AQP8: variants seen among roughly 807,000 people sequenced by gnomAD.
AQP8 encodes aquaporin-8.
Under a neutral mutation model 26.1 loss-of-function variants are expected in AQP8, and 14 were observed. The ratio of observed to expected loss-of-function variants is 0.54; its 90% CI spans 0.35 to 0.84. The LOEUF is 0.84. AQP8 is among the 40% of genes least tolerant of loss of function. AQP8 has a pLI of 0.01. For synonymous variants in AQP8, 131 were observed against 150.7 expected, an observed-to-expected ratio of 0.87 and a Z score of 0.96; for missense variants, 301 against 340.5, an observed-to-expected ratio of 0.88 and a Z score of 0.91.
Position 25,224,559 on chromosome 16 carries a change from C to T in AQP8, c.585C>T (p.Thr195=), listed in dbSNP as rs756713885. Residue 195 remains threonine (T), a synonymous_variant, in exon 4 of 6, where the codon ACC becomes ACT. Transcript: ENST00000219660. ...CGTTCTCCATCGGCTTTGCCGTCACCGTGGATATCCTGGCTGGGTGAGTGT... is the reference window on the plus strand; with the variant it reads ...CGTTCTCCATCGGCTTTGCCGTCACTGTGGATATCCTGGCTGGGTGAGTGT... ...LAPFSIGFAV[T]VDILAGGPVS... is the part of the protein sequence containing the mutation. The T allele has an allele frequency of 1.4e-5, 22 of 1,611,786 alleles. No homozygotes were observed. Among genetic ancestry groups the T allele is most frequent in the Middle Eastern group, 1.8e-4 (1 of 5,642 alleles).
At chr16:25,225,234 T>G (rs1962615143) in intron 4 of AQP8, among the ~76,000 whole-genome samples, 1 of 152,214 alleles carries the variant, frequency 6.6e-6, no homozygotes, top group Non-Finnish European at 1.5e-5. Flanking sequence ...TCCTCCTGCG[T>G]TGGCCTCTCA....
In AQP8 at chr16:25,221,441, C is replaced by G. The variant is rs1049832804; in HGVS notation, c.261-16C>G. The G allele has an allele frequency of 6.2e-7, 1 of 1,613,730 alleles. No homozygotes were observed. Among genetic ancestry groups the G allele is most frequent in the Non-Finnish European group, 8.5e-7 (1 of 1,179,796 alleles). ...AGCCCTGGGCTCATGACTTCCTCTGCTCTTGTGGGTTACAGTGGTGGACAC... is the reference window on the plus strand; with the variant it reads ...AGCCCTGGGCTCATGACTTCCTCTGGTCTTGTGGGTTACAGTGGTGGACAC... On this transcript the variant is annotated splice_polypyrimidine_tract_variant and intron_variant, in intron 2 of 5. Transcript: ENST00000219660.
chr16:25,222,902 C>T (rs770552024), intron 3 of AQP8, among the ~76,000 whole-genome samples: 3 of 152,242 alleles, frequency 2.0e-5, no homozygotes, highest in Non-Finnish European at 2.9e-5. Context: ...TGGCCAGACT[C>T]GAGCTCAAGC....
chr16:25,227,318 G>C, intron 5 of AQP8, 116 bp downstream of exon 5: 2 of 1,385,832 alleles, frequency 1.4e-6, no homozygotes, highest in Non-Finnish European at 2.0e-6. Context: ...AAAAGAGGGA[G>C]CCTCTTTAGA....
chr16:25,228,824 T>C lies in AQP8; in HGVS notation c.*332T>C. On this transcript the variant is annotated 3_prime_UTR_variant, in exon 6 of 6. Transcript: ENST00000219660. ...GGCTGTTTCTGCACATCAGCTCATT[T>C]CCCGCACCCCATTTCTTGCTTGATT... 1 of 220,252 alleles carries C rather than the reference T, an allele frequency of 4.5e-6. No individual in the cohort carries two copies. The highest frequency in any genetic ancestry group is 1.3e-4 in the South Asian group (1 of 7,980). 13.6% of individuals were successfully genotyped at this position (220,252 alleles called of 1,614,324 possible). A position where few individuals can be genotyped will look rare whatever the true frequency, so the allele number is the denominator to read the frequency against.
At chr16:25,225,932 G>A (rs537666772) in intron 4 of AQP8, among the ~76,000 whole-genome samples, 1 of 152,178 alleles carries the variant, frequency 6.6e-6, no homozygotes, top group Non-Finnish European at 1.5e-5. Flanking sequence ...TATATTCGAG[G>A]TGTGGGCTCC....
At chr16:25,224,301 TC>T (rs1223987388) in intron 3 of AQP8, 60 bp from the exon 4 acceptor site, 7 of 1,511,538 alleles carry the variant, frequency 4.6e-6, no homozygotes, top group Non-Finnish European at 6.2e-6. Flanking sequence ...TTAGGCCCTC[TC>T]CCCTCAGTTT....
chr16:25,222,215 G>A (rs1157030655), intron 3 of AQP8, among the ~76,000 whole-genome samples: 1 of 152,162 alleles, frequency 6.6e-6, no homozygotes. Flanking sequence ...ACAGGTGTGT[G>A]TCACCACACC....
intron 3 of AQP8, among the ~76,000 whole-genome samples, chr16:25,222,139 C>G (rs938124502): frequency 6.6e-6 from 1 of 152,030 alleles, no homozygotes; most frequent in Admixed American, 6.6e-5. Flanking sequence ...AATCATAGCT[C>G]ACTGCAGGCT....
chr16:25,228,248 G>A (rs59534960), intron 5 of AQP8, among the ~76,000 whole-genome samples, 196 bp from the exon 6 acceptor site: 3,802 of 151,326 alleles, frequency 0.025, 66 homozygotes, highest in Middle Eastern at 0.045. Flanking sequence ...GCCTGGGTGA[G>A]TGAGACTCTG....
intron 2 of AQP8, among the ~76,000 whole-genome samples, chr16:25,218,253 A>G (rs932484208): frequency 6.6e-6 from 1 of 152,234 alleles, no homozygotes; most frequent in Non-Finnish European, 1.5e-5. Flanking sequence ...GAAAGCAGAA[A>G]TGCATAGAAG....
intron 3 of AQP8, among the ~76,000 whole-genome samples, chr16:25,222,750 C>T (rs990790873): frequency 3.9e-5 from 6 of 152,046 alleles, no homozygotes; most frequent in African/African-American, 7.2e-5. Flanking sequence ...GCTGACCCAC[C>T]GCAGACTTTG....
Sources: gnomAD v4.1 joint callset for allele counts (sites outside exome capture counted in the v4.1 genomes callset) on GRCh38, gnomAD v4.1.1 for gene constraint, MANE v1.5 for transcripts, NCBI Gene and HGNC (gene_info 2026-07-23, HGNC 2026-07-21) for gene names.